DTNB: variants seen among roughly 807,000 people sequenced by gnomAD.
DTNB encodes the protein DTN-B.
In DTNB, 63 loss-of-function variants were observed where a neutral mutation model predicts 90.7. The observed-to-expected ratio is 0.69, with a 90% CI of 0.57 to 0.86. The LOEUF (loss-of-function observed/expected upper bound fraction) is 0.86. DTNB is among the 40% of genes least tolerant of loss of function. The probability of loss-of-function intolerance (pLI) is 0.00; values close to 1 mark genes in which losing one functional copy is unlikely to be tolerated. For synonymous variants in DTNB, 277 were observed against 286.7 expected (o/e 0.97, Z 0.34); for missense variants, 744 against 807.1 (o/e 0.92, Z 0.95).
At chr2:25,493,633 G>C (rs2068084823) in intron 9 of DTNB, among the ~76,000 whole-genome samples, 1 of 152,138 alleles carries the variant, frequency 6.6e-6, no homozygotes, top group African/African-American at 2.4e-5. Flanking sequence ...CAGAAAAACA[G>C]CTCCTGAAAT....
chr2:25,475,891 C>A (rs1027007975), intron 10 of DTNB, among the ~76,000 whole-genome samples: 2 of 152,074 alleles, frequency 1.3e-5, no homozygotes, highest in African/African-American at 4.8e-5. Flanking sequence ...ATATTTTAAG[C>A]CTACTGTTGA....
At chr2:25,646,179 A>G (rs1000257855) in intron 2 of DTNB, among the ~76,000 whole-genome samples, 2 of 152,226 alleles carry the variant, frequency 1.3e-5, no homozygotes, top group African/African-American at 4.8e-5. Context: ...CTTTAAGCCT[A>G]ATAAGAAACA....
At chr2:25,409,629 CT>C (rs1397363053) in intron 16 of DTNB, among the ~76,000 whole-genome samples, 1 of 152,196 alleles carries the variant, frequency 6.6e-6, no homozygotes, top group Non-Finnish European at 1.5e-5. Context: ...TGAACATTTT[CT>C]TTCCTAAGTT....
chr2:25,579,662 T>C (rs2061253541), intron 7 of DTNB, among the ~76,000 whole-genome samples: 1 of 151,584 alleles, frequency 6.6e-6, no homozygotes. Context: ...GTCAAATTAC[T>C]GGGAGGGACA....
intron 1 of DTNB, among the ~76,000 whole-genome samples, chr2:25,661,888 C>T (rs2083247287): frequency 1.3e-5 from 2 of 152,152 alleles, no homozygotes; most frequent in Admixed American, 1.3e-4. Flanking sequence ...GGCGCAGTGG[C>T]TCCCACCTGT....
intron 9 of DTNB, among the ~76,000 whole-genome samples, chr2:25,516,305 G>A (rs943315031): frequency 1.3e-5 from 2 of 152,022 alleles, no homozygotes; most frequent in Admixed American, 1.3e-4. Flanking sequence ...GGAGTGCAGT[G>A]GTATAATCCT....
chr2:25,509,717 G>GTGTGTA (rs1280843196), intron 9 of DTNB, among the ~76,000 whole-genome samples: 2 of 140,846 alleles, frequency 1.4e-5, no homozygotes, highest in African/African-American at 5.3e-5. Flanking sequence ...TTACTATGAT[G>GTGTGTA]TGTGTAGGTA....
At chr2:25,403,198 C>T (rs1217501486) in intron 16 of DTNB, among the ~76,000 whole-genome samples, 1 of 152,210 alleles carries the variant, frequency 6.6e-6, no homozygotes, top group Non-Finnish European at 1.5e-5. Flanking sequence ...TCACTGCAAC[C>T]TCCGCCTCCT....
At chr2:25,515,181 A>G (rs2074829736) in intron 9 of DTNB, among the ~76,000 whole-genome samples, 2 of 152,198 alleles carry the variant, frequency 1.3e-5, no homozygotes, top group African/African-American at 4.8e-5. Flanking sequence ...ACACACCGAA[A>G]AAAAACAAGG....
intron 4 of DTNB, 62 bp downstream of exon 4, chr2:25,628,109 G>T: frequency 6.5e-7 from 1 of 1,543,030 alleles, no homozygotes; most frequent in Non-Finnish European, 8.9e-7. Flanking sequence ...TATGGAAGAA[G>T]AATGATTCAG....
rs954890017 is a variant in DTNB at position 25,486,790 on chromosome 2, T to C, written c.1002-3917A>G. Among the ~76,000 whole-genome samples the C allele has an allele frequency of 7.2e-5, 11 of 152,138 alleles. No individual in the cohort carries two copies. In the East Asian group the frequency reaches 9.6e-4, roughly 13 times the overall value. On this transcript the variant is annotated intron_variant, in intron 9 of 20. Transcript: ENST00000406818. ...ATTATAGAAACTTAAAAAAACAGAA[T>C]TGGCACAACATTAGATTGGTTTTGT...
At chr2:25,573,518 A>G (rs1054602572) in intron 8 of DTNB, among the ~76,000 whole-genome samples, 3 of 152,168 alleles carry the variant, frequency 2.0e-5, no homozygotes, top group Non-Finnish European at 4.4e-5. Context: ...CTGCCCCAAG[A>G]GTCAGAGCTT....
chr2:25,387,477 GT>G lies in DTNB; in HGVS notation c.1736-100del, dbSNP rs2039823730. ...AGTTCTGCCAGGCCCGAGAACACAG[GT>G]GTGGAACACCTAAGGGGAGATGGGG... is the stretch of plus-strand genomic sequence containing the variant. On this transcript the variant is annotated intron_variant, in intron 17 of 20. Coordinates refer to ENST00000406818, the MANE Select transcript of DTNB (RefSeq NM_021907.5). This position sits in a 1 kb window ranked among gnomAD's most constrained non-coding sequence, Gnocchi z 4.5. 1 of 1,140,524 alleles carries G rather than the reference GT, an allele frequency of 8.8e-7. No homozygotes were observed. The highest frequency in any genetic ancestry group is 1.4e-5 in the South Asian group (1 of 69,604). The allele number at this position is 1,140,524 out of a possible 1,614,324, so 70.7% of individuals were successfully genotyped here. A position where few individuals can be genotyped will look rare whatever the true frequency, so the allele number is the denominator to read the frequency against.
At chr2:25,427,835 C>G (rs1245670795) in intron 14 of DTNB, 1 of 439,156 alleles carries the variant, frequency 2.3e-6, no homozygotes, top group Non-Finnish European at 4.0e-6. Context: ...GGTAAAAGTG[C>G]TTTGGAAAGT....
chr2:25,610,449 A>G (rs1424111947), intron 4 of DTNB, among the ~76,000 whole-genome samples: 2 of 152,254 alleles, frequency 1.3e-5, no homozygotes, highest in East Asian at 3.8e-4. Flanking sequence ...AGCTCTAACC[A>G]TGATCAACGA....
chr2:25,560,844 A>G (rs1457369805), intron 8 of DTNB, among the ~76,000 whole-genome samples: 2 of 152,206 alleles, frequency 1.3e-5, no homozygotes, highest in Non-Finnish European at 2.9e-5. Flanking sequence ...TGTGTCCAGC[A>G]CTGTGAGAGG....
chr2:25,640,719 T>C (rs187771920), intron 2 of DTNB, among the ~76,000 whole-genome samples: 2 of 151,998 alleles, frequency 1.3e-5, no homozygotes, highest in Admixed American at 1.3e-4. Flanking sequence ...AAACCAGCCT[T>C]TTTTTGGCCA....
chr2:25,485,380 G>A (rs529490172), intron 9 of DTNB, among the ~76,000 whole-genome samples: 1 of 151,968 alleles, frequency 6.6e-6, no homozygotes, highest in Non-Finnish European at 1.5e-5. Context: ...GGAAAAATGA[G>A]AATAAAAAAT....
At chr2:25,558,992 G>A (rs1324738927) in intron 8 of DTNB, among the ~76,000 whole-genome samples, 7 of 152,092 alleles carry the variant, frequency 4.6e-5, no homozygotes, top group Admixed American at 4.6e-4. Flanking sequence ...ATCAACAAGA[G>A]TAAAAAGATG....
Sources: allele counts gnomAD v4.1 joint callset (sites outside exome capture counted in the v4.1 genomes callset), GRCh38; gene constraint gnomAD v4.1.1; non-coding constraint Gnocchi (gnomAD v3.1); transcripts MANE v1.5; gene names NCBI Gene and HGNC (gene_info 2026-07-23, HGNC 2026-07-21).